ANKRD45: variants seen among roughly 807,000 people sequenced by gnomAD.
ANKRD45 encodes ankyrin repeat domain 45.
In ANKRD45, 21 loss-of-function variants were observed where a neutral mutation model predicts 28.1. The observed-to-expected ratio is 0.75, with a 90% confidence interval of 0.53 to 1.08. The LOEUF is 1.08. Among genes scored for constraint, ANKRD45 ranks in the 50% least tolerant of loss-of-function variants. The pLI is 0.00. For synonymous variants in ANKRD45, 86 were observed against 103.9 expected, an observed-to-expected ratio of 0.83 and a Z score of 1.05; for missense variants, 261 against 308.7, an observed-to-expected ratio of 0.85 and a Z score of 1.16.
intron 2 of ANKRD45, chr1:173,658,206 C>A: frequency 5.3e-6 from 1 of 188,924 alleles, no homozygotes; most frequent in Non-Finnish European, 1.2e-5. Context: ...TGCCTGTAGT[C>A]CCAGCTACTC....
intron 1 of ANKRD45, among the ~76,000 whole-genome samples, chr1:173,664,634 A>G (rs2102398114): frequency 6.6e-6 from 1 of 152,324 alleles, no homozygotes; most frequent in South Asian, 2.1e-4. Flanking sequence ...TCTGAACTCC[A>G]AAGGTCATTA....
At chr1:173,620,681 C>A (rs1234897769) in intron 5 of ANKRD45, among the ~76,000 whole-genome samples, 4 of 151,696 alleles carry the variant, frequency 2.6e-5, no homozygotes, top group Non-Finnish European at 4.4e-5. Context: ...CAGCATGGCA[C>A]ATGTATACAT....
At chr1:173,627,415 C>T (rs1029096539) in intron 3 of ANKRD45, among the ~76,000 whole-genome samples, 5 of 152,174 alleles carry the variant, frequency 3.3e-5, no homozygotes, top group African/African-American at 4.8e-5. Flanking sequence ...CCACACTTCC[C>T]CCATACCCCT....
At chr1:173,703,139 G>A in the ANKRD45 span, among the ~76,000 whole-genome samples, 3 of 151,802 alleles carry the variant, frequency 2.0e-5, no homozygotes, top group Non-Finnish European at 2.9e-5. Flanking sequence ...GGGTTCAAGC[G>A]ATTCTCATGC....
intron 1 of ANKRD45, among the ~76,000 whole-genome samples, chr1:173,665,939 A>G (rs1185111588): frequency 6.6e-6 from 1 of 152,112 alleles, no homozygotes; most frequent in Non-Finnish European, 1.5e-5. Context: ...GCTTGAGCTC[A>G]GGAGGCAGAG....
upstream of ANKRD45, among the ~76,000 whole-genome samples, chr1:173,674,804 C>A (rs1571799825): frequency 1.3e-5 from 2 of 152,274 alleles, no homozygotes; most frequent in East Asian, 1.9e-4. Context: ...CTTGACTTTT[C>A]CCTTTAGCTT....
chr1:173,633,115 A>G (rs1668267932), intron 3 of ANKRD45, among the ~76,000 whole-genome samples: 2 of 152,024 alleles, frequency 1.3e-5, no homozygotes, highest in African/African-American at 4.8e-5. Context: ...CCACCAAACA[A>G]TTATTAGAAC....
chr1:173,612,466 G>A (rs993717601), intron 5 of ANKRD45, among the ~76,000 whole-genome samples: 2 of 152,176 alleles, frequency 1.3e-5, no homozygotes, highest in African/African-American at 2.4e-5. Flanking sequence ...CAGTAAGCAT[G>A]AAAAGATGCT....
chr1:173,689,430 T>C, the ANKRD45 span, among the ~76,000 whole-genome samples: 3 of 152,182 alleles, frequency 2.0e-5, no homozygotes, highest in Non-Finnish European at 4.4e-5. Context: ...TTTTTTTCTC[T>C]TTTTCTTCAT....
At chr1:173,652,402 T>C (rs1669274379) in intron 2 of ANKRD45, among the ~76,000 whole-genome samples, 1 of 152,198 alleles carries the variant, frequency 6.6e-6, no homozygotes, top group African/African-American at 2.4e-5. Flanking sequence ...ATTATGTTTA[T>C]TGATTTGTGT....
At chr1:173,663,875 A>G (rs140050780) in intron 1 of ANKRD45, among the ~76,000 whole-genome samples, 1 of 152,356 alleles carries the variant, frequency 6.6e-6, no homozygotes, top group East Asian at 1.9e-4. Flanking sequence ...CACATAATTT[A>G]TTGTTCAGTA....
chr1:173,616,600 A>G (rs1452408860), intron 5 of ANKRD45, among the ~76,000 whole-genome samples: 1 of 152,224 alleles, frequency 6.6e-6, no homozygotes, highest in Non-Finnish European at 1.5e-5. Context: ...TTTTAAAAAA[A>G]TGTTAGGGGT....
intron 5 of ANKRD45, among the ~76,000 whole-genome samples, chr1:173,612,334 AGG>A (rs1441014013): frequency 6.6e-6 from 1 of 150,644 alleles, no homozygotes; most frequent in Non-Finnish European, 1.5e-5. Context: ...GAAGGAAGGA[AGG>A]AAGGAAGGAA....
chr1:173,688,209 C>T, the ANKRD45 span, among the ~76,000 whole-genome samples: 1 of 152,096 alleles, frequency 6.6e-6, no homozygotes, highest in African/African-American at 2.4e-5. Context: ...ACAGAGAAGA[C>T]CTTCAATTAC....
At chr1:173,692,822 T>C in the ANKRD45 span, among the ~76,000 whole-genome samples, 2 of 152,192 alleles carry the variant, frequency 1.3e-5, no homozygotes, top group African/African-American at 4.8e-5. Context: ...GAGCTCTTTC[T>C]CTCAGGTTTT....
rs760779597 is a variant in ANKRD45, at chr1:173,610,221, A to C, written c.731-6T>G. ...TTTGGCACTTTTCACTTGACCTGAA[A>C]GGAAACAGATTTTAAAATTACATTT... On this transcript the variant is annotated splice_polypyrimidine_tract_variant and splice_region_variant and intron_variant, in intron 5 of 5. Coordinates refer to ENST00000333279, the MANE Select transcript of ANKRD45 (RefSeq NM_198493.3). The C allele has an allele frequency of 1.2e-6, 2 of 1,613,258 alleles. No individual in the cohort carries two copies. Among genetic ancestry groups the C allele is most frequent in the South Asian group, 2.2e-5 (2 of 91,000 alleles).
rs1336230944 is a variant in ANKRD45 at position 173,637,041 on chromosome 1, A to G, written c.496+9805T>C. ...GAAGGAGCCAGAAGATACTAAATAA[A>G]TGCATATGCAAATGTAGCTTAGTCA... On this transcript the variant is annotated intron_variant, in intron 3 of 5. Coordinates refer to ENST00000333279, the MANE Select transcript of ANKRD45 (RefSeq NM_198493.3). The G allele has an allele frequency of 2.1e-6, 3 of 1,462,464 alleles. No individual in the cohort carries two copies. In the Admixed American group the frequency reaches 5.9e-5, roughly 29 times the overall value. The allele number at this position is 1,462,464 out of a possible 1,614,324, so 90.6% of individuals were successfully genotyped here.
the ANKRD45 span, among the ~76,000 whole-genome samples, chr1:173,712,149 T>C: frequency 2.0e-5 from 3 of 152,226 alleles, no homozygotes; most frequent in African/African-American, 4.8e-5. Flanking sequence ...GAAAAATGTT[T>C]GAACAGTAAT....
the ANKRD45 span, among the ~76,000 whole-genome samples, chr1:173,706,700 A>C: frequency 6.6e-6 from 1 of 152,108 alleles, no homozygotes; most frequent in Non-Finnish European, 1.5e-5. Context: ...TTGTTTATTT[A>C]ATCAGCCCCC....
Sources: gnomAD v4.1 joint callset for allele counts (sites outside exome capture counted in the v4.1 genomes callset) on GRCh38, gnomAD v4.1.1 for gene constraint, MANE v1.5 for transcripts, NCBI Gene and HGNC (gene_info 2026-07-23, HGNC 2026-07-21) for gene names.